DNAH17: variants seen among roughly 807,000 people sequenced by gnomAD.
DNAH17 encodes the protein dynein axonemal heavy chain 17, also known as axonemal beta dynein heavy chain 17.
Under a neutral mutation model 485.6 loss-of-function variants are expected in DNAH17, and 376 were observed. The observed-to-expected ratio is 0.77, with a 90% CI of 0.71 to 0.84. The LOEUF (loss-of-function observed/expected upper bound fraction) is 0.84, where lower values mean the gene tolerates loss of function less well. Ranked by LOEUF, DNAH17 falls within the 40% of genes least tolerant of loss-of-function variation. The pLI is 0.00. For missense variants in DNAH17, 6,370 were observed against 5,839.3 expected, an observed-to-expected ratio of 1.09 and a Z score of -2.96; for synonymous variants, 3,031 against 2,405.9, an observed-to-expected ratio of 1.26 and a Z score of -7.60.
At chr17:78,567,827 G>A (rs999809134) in intron 9 of DNAH17, among the ~76,000 whole-genome samples, 3 of 152,142 alleles carry the variant, frequency 2.0e-5, no homozygotes, top group Non-Finnish European at 2.9e-5. Flanking sequence ...CCCGTTAGCT[G>A]GTTGTGTGTG....
chr17:78,493,047 C>T, intron 41 of DNAH17: 2 of 259,744 alleles, frequency 7.7e-6, no homozygotes, highest in South Asian at 9.1e-5. Flanking sequence ...GACAGGGTTT[C>T]ACCATGTTGG....
At chr17:78,485,884 G>A (rs1330980763) in intron 46 of DNAH17, 76 bp downstream of exon 46, 1 of 1,575,064 alleles carries the variant, frequency 6.3e-7, no homozygotes, top group Non-Finnish European at 8.6e-7. Flanking sequence ...GACATTCCGT[G>A]CAGGCGTGTG....
chr17:78,508,812 A>G (rs1250973074), intron 27 of DNAH17, among the ~76,000 whole-genome samples: 1 of 151,934 alleles, frequency 6.6e-6, no homozygotes, highest in Non-Finnish European at 1.5e-5. Flanking sequence ...TTTTTTAAAA[A>G]TTATAATTTT....
At position 78,453,395 on chromosome 17, in the gene DNAH17, C is replaced by T. The variant is rs759608169; in HGVS notation, c.10477G>A (p.Val3493Met). ...AGTAGAGGGTCCAGCACGGGGTCCA[C>T]GGTTTCGCCGATGTTCTCAATGAGC... is the stretch of plus-strand genomic sequence containing the variant. ...TLLIENIGETVDPVLDPLLGR... is the reference protein window; with the variant it reads ...TLLIENIGETMDPVLDPLLGR... Residue 3493 changes from valine to methionine, a missense_variant, in exon 65 of 81, where the codon GTG becomes ATG. By Grantham distance (21) the Val-to-Met change is conservative (BLOSUM62 1). Transcript: ENST00000389840. The T allele has an allele frequency of 1.7e-5, 28 of 1,613,676 alleles. No individual in the cohort carries two copies. Among genetic ancestry groups the T allele is most frequent in the South Asian group, 7.7e-5 (7 of 91,024 alleles).
intron 62 of DNAH17, among the ~76,000 whole-genome samples, chr17:78,456,764 G>A (rs1366225797): frequency 1.3e-5 from 2 of 152,230 alleles, no homozygotes; most frequent in Non-Finnish European, 2.9e-5. Flanking sequence ...CAGTGACCTA[G>A]AGACCATTTC....
intron 54 of DNAH17, among the ~76,000 whole-genome samples, chr17:78,473,249 G>T (rs2088849143): frequency 6.6e-6 from 1 of 152,130 alleles, no homozygotes; most frequent in Non-Finnish European, 1.5e-5. Flanking sequence ...AGCGGCTTAA[G>T]AAATGACAGT....
At position 78,505,313 on chromosome 17, in the gene DNAH17, C is replaced by T. The variant is rs757310636; in HGVS notation, c.4936G>A (p.Glu1646Lys). Reference sequence around the variant, plus strand: ...CTCACCTGCCCCGAGAGGTCGCATTCCTGATCAAAAACCATGTACTCGTCC... The same window carrying T: ...CTCACCTGCCCCGAGAGGTCGCATTTCTGATCAAAAACCATGTACTCGTCC... ...KEDEYMVFDQ[E>K]CDLSGQVEVW... The change falls in exon 31 of 81, where the codon GAA becomes AAA. Residue 1646 changes from glutamate (E) to lysine (K), a missense_variant. Transcript: ENST00000389840. 13 of 1,613,826 alleles carry T rather than the reference C, an allele frequency of 8.1e-6. No homozygotes were observed. In the East Asian group the frequency reaches 2.9e-4, roughly 36 times the overall value.
At chr17:78,481,696 A>AATTATTAATGGCTGCT (rs943227468) in intron 48 of DNAH17, among the ~76,000 whole-genome samples, 1 of 152,204 alleles carries the variant, frequency 6.6e-6, no homozygotes, top group African/African-American at 2.4e-5. Flanking sequence ...TTATCAGGAT[A>AATTATTAATGGCTGCT]ATTATTAATG....
intron 44 of DNAH17, among the ~76,000 whole-genome samples, chr17:78,490,349 T>TCA (rs2089794255): frequency 6.6e-6 from 1 of 152,182 alleles, no homozygotes; most frequent in Admixed American, 6.5e-5. Context: ...TTCTCTGTTT[T>TCA]CACCCCTTAG....
intron 19 of DNAH17, 70 bp downstream of exon 19, chr17:78,537,229 T>C (rs2091402127): frequency 6.8e-7 from 1 of 1,475,016 alleles, no homozygotes; most frequent in Non-Finnish European, 9.2e-7. Flanking sequence ...CTTGCCGAGT[T>C]AGGGCGGCAA....
At chr17:78,482,070 CT>C (rs36105381) in intron 48 of DNAH17, among the ~76,000 whole-genome samples, 1,844 of 130,598 alleles carry the variant, frequency 0.014, 27 homozygotes, top group East Asian at 0.065. Flanking sequence ...ACACTAGTTA[CT>C]TTTTTTTTTT....
At chr17:78,475,562 G>A in intron 53 of DNAH17, 93 bp from the exon 54 acceptor site, 1 of 1,602,372 alleles carries the variant, frequency 6.2e-7, no homozygotes, top group South Asian at 1.1e-5. Context: ...GGTGTGCACT[G>A]TGTGCCACGC....
At chr17:78,528,950 A>AC (rs573380992) in intron 22 of DNAH17, among the ~76,000 whole-genome samples, 1 of 140,600 alleles carries the variant, frequency 7.1e-6, no homozygotes, top group Non-Finnish European at 1.5e-5. Context: ...GGCATTTTGT[A>AC]TTTTTTTTTT....
At position 78,458,681 on chromosome 17, in the gene DNAH17, C is replaced by T. The variant is rs2087928885; in HGVS notation, c.9862-1G>A. ...GGTTGCTCAGGTTGGCGTTAAGTTC[C>T]TGCAAAACCAAGTTGGAAAGCTGCT... is the stretch of plus-strand genomic sequence containing the variant. On this transcript the variant is annotated splice_acceptor_variant, in intron 61 of 80. Coordinates refer to ENST00000389840, the MANE Select transcript of DNAH17 (RefSeq NM_173628.4). LOFTEE classifies it high-confidence loss of function. 6.2e-7 allele frequency: 1 copy of T among 1,613,488 alleles called. No homozygotes were observed. Among genetic ancestry groups the T allele is most frequent in the East Asian group, 2.2e-5 (1 of 44,878 alleles).
Position 78,570,987 on chromosome 17 carries a change from C to T in DNAH17, c.879G>A (p.Arg293=), listed in dbSNP as rs1042463809. ...CTTGTTCCATCTCCTCCAGCAGGAT[C>T]CGTAGGGGCTTCAAATAGAGCACGA... ...NDIVLYLKPL[R]ILLEEMEQAD... is the part of the protein sequence containing the mutation. The change falls in exon 6 of 81, where the codon CGG becomes CGA. Residue 293 remains arginine (R), a synonymous_variant. Transcript: ENST00000389840. 5 of 1,585,046 alleles carry T rather than the reference C, an allele frequency of 3.2e-6. No homozygotes were observed. The highest frequency in any genetic ancestry group is 1.2e-5 in the South Asian group (1 of 86,606).
At chr17:78,479,260 A>G (rs2089242756) in intron 50 of DNAH17, 144 bp from the exon 51 acceptor site, 1 of 1,015,280 alleles carries the variant, frequency 9.8e-7, no homozygotes, top group Admixed American at 2.8e-5. Context: ...GTGGGAGGGA[A>G]TTTGCTGTTC....
intron 16 of DNAH17, among the ~76,000 whole-genome samples, chr17:78,545,314 G>A (rs139792312): frequency 9.2e-5 from 14 of 152,244 alleles, no homozygotes; most frequent in East Asian, 1.9e-4. Context: ...AGAAAAACGC[G>A]TTCTGTATAT....
intron 19 of DNAH17, chr17:78,533,091 G>A (rs768425300): frequency 2.8e-5 from 6 of 213,606 alleles, no homozygotes; most frequent in Non-Finnish European, 5.7e-5. Context: ...AACCTTTGCC[G>A]ATTTGCAATA....
chr17:78,436,804 C>T (rs1180556985), intron 74 of DNAH17, among the ~76,000 whole-genome samples: 2 of 151,964 alleles, frequency 1.3e-5, no homozygotes, highest in Non-Finnish European at 2.9e-5. Context: ...GAGATTACAC[C>T]ATTGCACTCC....
Sources: allele counts gnomAD v4.1 joint callset (sites outside exome capture counted in the v4.1 genomes callset), GRCh38; gene constraint gnomAD v4.1.1; transcripts MANE v1.5; gene names NCBI Gene and HGNC (gene_info 2026-07-23, HGNC 2026-07-21).